Variants in KBTBD4 observed in about 807,000 individuals in gnomAD.
The protein encoded by KBTBD4 is kelch repeat and BTB domain-containing protein 4.
Under a neutral mutation model 43.9 loss-of-function variants are expected in KBTBD4, and 30 were observed. The observed-to-expected ratio is 0.68, with a 90% CI of 0.51 to 0.93. The LOEUF (loss-of-function observed/expected upper bound fraction) is 0.93. Ranked by LOEUF, KBTBD4 falls within the 40% of genes least tolerant of loss-of-function variation. KBTBD4 has a pLI of 0.00. For synonymous variants in KBTBD4, 258 were observed against 256.9 expected (o/e 1.00, Z -0.04); for missense variants, 575 against 668.8 (o/e 0.86, Z 1.55).
Position 47,573,110 on chromosome 11 carries a change from G to A in KBTBD4, c.1425C>T (p.Ala475=). ...DSFTRLCLPE[A]WSSAPSLWKI... ...TCCAGAGGGATGGGGCAGAGCTCCA[G>A]GCCTCAGGAAGGCAAAGCCGGGTGA... The change falls in exon 4 of 4, where the codon GCC becomes GCT. Residue 475 remains alanine (A), a synonymous_variant. Coordinates refer to ENST00000430070, the MANE Select transcript of KBTBD4 (RefSeq NM_018095.6). The surrounding 1 kb of genome is among the most constrained non-coding windows in gnomAD (Gnocchi z 4.1). 1.2e-6 allele frequency: 2 copies of A among 1,614,204 alleles called. No homozygotes were observed. Among genetic ancestry groups the A allele is most frequent in the Non-Finnish European group, 1.7e-6 (2 of 1,180,038 alleles).
At chr11:47,576,228 G>A (rs537927004) in intron 2 of KBTBD4, among the ~76,000 whole-genome samples, 24 of 135,372 alleles carry the variant, frequency 1.8e-4, no homozygotes, top group South Asian at 2.4e-4. Context: ...GTGCAGTGGC[G>A]TGATCTCGGC....
rs1380597210 is a variant in KBTBD4, at chr11:47,574,590, C to T, written c.745-800G>A. Reference sequence around the variant, plus strand: ...CCAGGTTAGGCCAGGCGCATTGGCTCATGCCTGTAATCCCAAGACTCTGGG... The same window carrying T: ...CCAGGTTAGGCCAGGCGCATTGGCTTATGCCTGTAATCCCAAGACTCTGGG... On this transcript the variant is annotated intron_variant, in intron 3 of 3. Transcript: ENST00000430070. Among the ~76,000 whole-genome samples the T allele has an allele frequency of 3.3e-5, 5 of 152,090 alleles. No individual in the cohort carries two copies. In the East Asian group the frequency reaches 7.7e-4, roughly 23 times the overall value.
At position 47,577,903 on chromosome 11, in the gene KBTBD4, C is replaced by T. The variant is rs765401733; in HGVS notation, c.145G>A (p.Gly49Ser). Residue 49 changes from glycine (G) to serine (S), a missense_variant, in exon 2 of 4, where the codon GGC (glycine) becomes AGC (serine). Gly to Ser is a moderately conservative substitution (Grantham distance 56). Transcript: ENST00000430070. ...DRSHSGRVAQ[G>S]IMKLCLEEEL... is the part of the protein sequence containing the mutation. ...TCCTCTAGACACAGTTTCATGATGC[C>T]TTGAGCCACACGGCCTGAATGTGAC... is the stretch of plus-strand genomic sequence containing the variant. 1 of 1,614,106 alleles carries T rather than the reference C, an allele frequency of 6.2e-7. No individual in the cohort carries two copies. Among genetic ancestry groups the T allele is most frequent in the South Asian group, 1.1e-5 (1 of 91,090 alleles).
Position 47,572,730 on chromosome 11 carries a change from T to C in KBTBD4, c.*200A>G. The stretch of plus-strand genomic sequence containing the variant: ...AATGGCAGAGAACAGGCTGGCCTAC[T>C]GTCAGTTCAAGCAACCAGCTGAGCA... On this transcript the variant is annotated 3_prime_UTR_variant, in exon 4 of 4. Transcript: ENST00000430070. The C allele has an allele frequency of 1.7e-6, 1 of 605,106 alleles. No individual in the cohort carries two copies. The highest frequency in any genetic ancestry group is 2.1e-5 in the South Asian group (1 of 47,082). The allele number at this position is 605,106 out of a possible 1,614,324, so 37.5% of individuals were successfully genotyped here. A position where few individuals can be genotyped will look rare whatever the true frequency, so the allele number is the denominator to read the frequency against.
Position 47,573,196 on chromosome 11 carries a change from G to A in KBTBD4, c.1339C>T (p.Leu447=). The A allele has an allele frequency of 5.6e-6, 9 of 1,614,208 alleles. No homozygotes were observed. The highest frequency in any genetic ancestry group is 1.1e-5 in the South Asian group (1 of 91,084). Residue 447 remains leucine (L), a synonymous_variant, in exon 4 of 4, where the codon CTG becomes TTG. Coordinates refer to ENST00000430070, the MANE Select transcript of KBTBD4 (RefSeq NM_018095.6). This position sits in a 1 kb window ranked among gnomAD's most constrained non-coding sequence, Gnocchi z 4.1. ...TCCCCTTCAGCCACGATGAACACCA[G>A]ATCTTTATGCACAGCTGCGTGCATG... is the stretch of plus-strand genomic sequence containing the variant. ...GRMHAAVHKD[L]VFIVAEGDSL... is the part of the protein sequence containing the mutation.
chr11:47,573,626 C>A lies in KBTBD4; in HGVS notation c.909G>T (p.Leu303Phe). 6.2e-7 allele frequency: 1 copy of A among 1,614,110 alleles called. No homozygotes were observed. Among genetic ancestry groups the A allele is most frequent in the Non-Finnish European group, 8.5e-7 (1 of 1,180,036 alleles). Residue 303 changes from leucine (L) to phenylalanine (F), a missense_variant, in exon 4 of 4, where the codon TTG (leucine) becomes TTT (phenylalanine). Leu to Phe is a conservative substitution (Grantham distance 22). Coordinates refer to ENST00000430070, the MANE Select transcript of KBTBD4 (RefSeq NM_018095.6). The surrounding 1 kb of genome is among the most constrained non-coding windows in gnomAD (Gnocchi z 4.1). ...GTGGGATGGACCCTCCCACCACATA[C>A]AAGTCTCCACCATGCTTGCAGGCCG... ...ITAACKHGGD[L>F]YVVGGSIPRR...
intron 1 of KBTBD4, 161 bp from the exon 2 acceptor site, chr11:47,578,189 T>A: frequency 1.4e-6 from 1 of 712,696 alleles, no homozygotes; most frequent in Non-Finnish European, 2.3e-6. Context: ...CGCTATCCTT[T>A]AACCAAATCT....
At position 47,573,746 on chromosome 11, in the gene KBTBD4, T is replaced by C. The variant is rs142438274; in HGVS notation, c.789A>G (p.Ser263=). Residue 263 remains serine, a synonymous_variant, in exon 4 of 4, where the codon TCA becomes TCG. Transcript: ENST00000430070. The surrounding 1 kb of genome is among the most constrained non-coding windows in gnomAD (Gnocchi z 4.1). ...ACACAGCCAACGAGTGGGTACGAGA[T>C]GACTCTTTCCCAATCAGGTAAATGT... The part of the protein sequence containing the change: ...NVHIYLIGKE[S]SRTHSLAVSL... 5 of 1,587,976 alleles carry C rather than the reference T, an allele frequency of 3.1e-6. No individual in the cohort carries two copies. The highest frequency in any genetic ancestry group is 2.2e-5 in the South Asian group (2 of 90,834).
chr11:47,574,034 C>A (rs1179649797), intron 3 of KBTBD4, among the ~76,000 whole-genome samples: 2 of 152,096 alleles, frequency 1.3e-5, no homozygotes, highest in Non-Finnish European at 2.9e-5. Context: ...GTGCTTCAGA[C>A]AAAGGGTGAT....
In KBTBD4 at chr11:47,577,462, T is replaced by A. The variant is rs1257608697; in HGVS notation, c.586A>T (p.Thr196Ser). 1 of 1,613,192 alleles carries A rather than the reference T, an allele frequency of 6.2e-7. No individual in the cohort carries two copies. The highest frequency in any genetic ancestry group is 1.7e-5 in the Admixed American group (1 of 60,000). Reference protein sequence around the residue: ...AKTHLAQLQNTEEFLHLPHRL... With the variant: ...AKTHLAQLQNSEEFLHLPHRL... ...TGGGGCAAGTGGAGAAATTCCTCTG[T>A]ATTCTGCAGCTGGGCCAGGTGGGTC... The change falls in exon 2 of 4, where the codon ACA (threonine) becomes TCA (serine). Residue 196 changes from threonine to serine, a missense_variant. Transcript: ENST00000430070.
At position 47,573,651 on chromosome 11, in the gene KBTBD4, G is replaced by A. The variant is rs759804817; in HGVS notation, c.884C>T (p.Ala295Val). The change falls in exon 4 of 4, where the codon GCG becomes GTG. Residue 295 changes from alanine to valine, a missense_variant. Transcript: ENST00000430070. This position sits in a 1 kb window ranked among gnomAD's most constrained non-coding sequence, Gnocchi z 4.1. ...CAAGTCTCCACCATGCTTGCAGGCC[G>A]CAGTGATCTGGTGGCACAAACTGTT... ...GQNSLCHQITAACKHGGDLYV... is the reference protein window; with the variant it reads ...GQNSLCHQITVACKHGGDLYV... 2.5e-6 allele frequency: 4 copies of A among 1,613,712 alleles called. No homozygotes were observed. The highest frequency in any genetic ancestry group is 1.1e-5 in the South Asian group (1 of 91,080).
chr11:47,572,696 T>C lies in KBTBD4; in HGVS notation c.*234A>G. The C allele has an allele frequency of 3.6e-6, 2 of 555,482 alleles. No individual in the cohort carries two copies. The highest frequency in any genetic ancestry group is 2.4e-5 in the South Asian group (1 of 41,596). The allele number at this position is 555,482 out of a possible 1,614,324, so 34.4% of individuals were successfully genotyped here. A position where few individuals can be genotyped will look rare whatever the true frequency, so the allele number is the denominator to read the frequency against. ...AAGCAAGCTGTGGTGAGGCACAGGA[T>C]GACTAGGGAATGGCAGAGAACAGGC... On this transcript the variant is annotated 3_prime_UTR_variant, in exon 4 of 4. Coordinates refer to ENST00000430070, the MANE Select transcript of KBTBD4 (RefSeq NM_018095.6).
chr11:47,576,895 T>C (rs1434506072), intron 2 of KBTBD4, among the ~76,000 whole-genome samples: 1 of 152,058 alleles, frequency 6.6e-6, no homozygotes, highest in African/African-American at 2.4e-5. Context: ...CAGGGTGGTC[T>C]TGAACTCCTG....
At position 47,573,263 on chromosome 11, in the gene KBTBD4, G is replaced by A; in HGVS notation, c.1272C>T (p.Asp424=). The change falls in exon 4 of 4, where the codon GAC becomes GAT. Residue 424 remains aspartate, a synonymous_variant. Transcript: ENST00000430070. This position sits in a 1 kb window ranked among gnomAD's most constrained non-coding sequence, Gnocchi z 4.1. ...RLIQCFDTET[D]KCHVKPYVLP... ...GCACATAGGGCTTCACATGGCATTTGTCTGTCTCTGTGTCAAAGCACTGGA... is the reference window on the plus strand; with the variant it reads ...GCACATAGGGCTTCACATGGCATTTATCTGTCTCTGTGTCAAAGCACTGGA... The A allele has an allele frequency of 1.2e-6, 2 of 1,614,156 alleles. No individual in the cohort carries two copies. The highest frequency in any genetic ancestry group is 1.1e-5 in the South Asian group (1 of 91,080).
rs1451882662 is a variant in KBTBD4 at position 47,572,384 on chromosome 11, G to A, written c.*546C>T. On this transcript the variant is annotated 3_prime_UTR_variant, in exon 4 of 4. Transcript: ENST00000430070. ...AAATAAAACCAAAGTTACATTTCCT[G>A]ACAGATGGATAAGAAAACAATAGAA... 5 of 153,200 alleles carry A rather than the reference G, an allele frequency of 3.3e-5. No individual in the cohort carries two copies. Among genetic ancestry groups the A allele is most frequent in the Admixed American group, 6.5e-5 (1 of 15,328 alleles). 9.5% of individuals were successfully genotyped at this position (153,200 alleles called of 1,614,324 possible).
At position 47,573,055 on chromosome 11, in the gene KBTBD4, C is replaced by T; in HGVS notation, c.1480G>A (p.Val494Ile). ...CCCTTTTTATATCGGTCCCGGAAGA[C>T]ATAGATGCTCCCGTTACAGCTGGCA... ...KIASCNGSIY[V>I]FRDRYKKGDA... The change falls in exon 4 of 4, where the codon GTC becomes ATC. Residue 494 changes from valine to isoleucine, a missense_variant. Transcript: ENST00000430070. This position sits in a 1 kb window ranked among gnomAD's most constrained non-coding sequence, Gnocchi z 4.1. 6.2e-7 allele frequency: 1 copy of T among 1,614,158 alleles called. No individual in the cohort carries two copies. The highest frequency in any genetic ancestry group is 8.5e-7 in the Non-Finnish European group (1 of 1,180,044).
chr11:47,575,859 CT>C (rs11387133), intron 2 of KBTBD4, among the ~76,000 whole-genome samples, 160 bp from the exon 3 acceptor site: 76 of 139,888 alleles, frequency 5.4e-4, no homozygotes, highest in Non-Finnish European at 6.0e-4. Context: ...CCTAAAATTG[CT>C]TTTTTTTTTT....
chr11:47,572,954 G>A lies in KBTBD4; in HGVS notation c.1581C>T (p.Thr527=). 1.2e-6 allele frequency: 2 copies of A among 1,613,996 alleles called. No individual in the cohort carries two copies. Among genetic ancestry groups the A allele is most frequent in the South Asian group, 2.2e-5 (2 of 91,068 alleles). Residue 527 remains threonine, a synonymous_variant, in exon 4 of 4, where the codon ACC becomes ACT. Transcript: ENST00000430070. The stretch of plus-strand genomic sequence containing the variant: ...CTTAGGCCAACACAAACTGCAAATT[G>A]GTAAGCAGCACCTTAATACCTCTTG... ...TVTRGIKVLL[T]NLQFVLA is the part of the protein sequence containing the mutation.
chr11:47,578,712 G>A, intron 1 of KBTBD4: 3 of 1,347,388 alleles, frequency 2.2e-6, no homozygotes, highest in South Asian at 1.3e-5. Context: ...ACGGTCGCCA[G>A]GGAAACCGTT....
Sources: gnomAD v4.1 joint callset for allele counts (sites outside exome capture counted in the v4.1 genomes callset) on GRCh38, gnomAD v4.1.1 for gene constraint, Gnocchi (gnomAD v3.1) non-coding constraint, MANE v1.5 for transcripts, NCBI Gene and HGNC (gene_info 2026-07-23, HGNC 2026-07-21) for gene names.